LRRC42: variants seen among roughly 807,000 people sequenced by gnomAD.
The protein encoded by LRRC42 is leucine rich repeat containing 42.
Under a neutral mutation model 44.3 loss-of-function variants are expected in LRRC42, and 43 were observed. The observed-to-expected ratio is 0.97, with a 90% CI of 0.76 to 1.25. LRRC42 has a LOEUF of 1.25. Ranked by LOEUF, LRRC42 falls within the 50% of genes most tolerant of loss-of-function variation. The pLI, the probability that LRRC42 is intolerant of heterozygous loss-of-function variation, is 0.00. For synonymous variants in LRRC42, 207 were observed against 195.2 expected, an observed-to-expected ratio of 1.06 and a Z score of -0.50; for missense variants, 540 against 509.1, an observed-to-expected ratio of 1.06 and a Z score of -0.58.
intron 2 of LRRC42, among the ~76,000 whole-genome samples, chr1:53,951,227 A>T (rs1479983443): frequency 6.6e-6 from 1 of 152,274 alleles, no homozygotes; most frequent in African/African-American, 2.4e-5. Flanking sequence ...CATAATTTTA[A>T]TGGCTTTATC....
intron 7 of LRRC42, among the ~76,000 whole-genome samples, chr1:53,963,733 A>AT (rs925870654): frequency 6.6e-6 from 1 of 152,052 alleles, no homozygotes; most frequent in Non-Finnish European, 1.5e-5. Flanking sequence ...ACCTGTCCTC[A>AT]TTCTCATCTC....
intron 5 of LRRC42, 54 bp from the exon 6 acceptor site, chr1:53,961,980 C>A: frequency 7.4e-7 from 1 of 1,347,596 alleles, no homozygotes; most frequent in South Asian, 1.2e-5. Flanking sequence ...TTTTGGTTGT[C>A]ATTTTAACAG....
At chr1:53,960,300 C>T (rs942381295) in intron 4 of LRRC42, 56 bp from the exon 5 acceptor site, 4 of 1,179,190 alleles carry the variant, frequency 3.4e-6, no homozygotes, top group South Asian at 1.3e-5. Flanking sequence ...TGTTTTTATA[C>T]CTAGATTGTC....
chr1:53,954,162 CTTTA>C (rs1397894293), intron 3 of LRRC42, among the ~76,000 whole-genome samples: 2 of 152,178 alleles, frequency 1.3e-5, no homozygotes, highest in Non-Finnish European at 2.9e-5. Context: ...GAGAAATGAT[CTTTA>C]TTTAATCAGC....
At position 53,952,452 on chromosome 1, in the gene LRRC42, C is replaced by A; in HGVS notation, c.453C>A (p.Cys151Ter). The change falls in exon 3 of 9, where the codon TGC becomes TGA. Residue 151 changes from cysteine to a stop codon, truncating the protein, a stop_gained. Coordinates refer to ENST00000371370, the MANE Select transcript of LRRC42 (RefSeq NM_001256409.2). LOFTEE classifies it high-confidence loss of function. ...FTEAYGSLVL[C>*]SLCLRNRYLV... ...AGGCCTATGGAAGTTTGGTGCTTTG[C>A]TCCCTGTGTTTGCGAAACAGGTGGG... 6.3e-7 allele frequency: 1 copy of A among 1,597,078 alleles called. No individual in the cohort carries two copies. Among genetic ancestry groups the A allele is most frequent in the Non-Finnish European group, 8.6e-7 (1 of 1,167,308 alleles).
intron 7 of LRRC42, among the ~76,000 whole-genome samples, chr1:53,962,810 G>T (rs78283594): frequency 0.013 from 2,052 of 152,236 alleles, 52 homozygotes; most frequent in African/African-American, 0.046. Context: ...ATTCAAATAT[G>T]ATTCTTCTCT....
At chr1:53,950,397 C>G (rs1004047268) in intron 2 of LRRC42, among the ~76,000 whole-genome samples, 6 of 152,192 alleles carry the variant, frequency 3.9e-5, no homozygotes, top group African/African-American at 1.4e-4. Context: ...CTCTCATGTG[C>G]TTTTATACAC....
chr1:53,952,082 A>ATCTGGC lies in LRRC42; in HGVS notation c.89_94dup (p.Ala30_Leu31dup). The stretch of plus-strand genomic sequence containing the variant: ...GAAAATGGGCAGCTGCACATGGTCA[A>ATCTGGC]TCTGGCTCTGGATGGTGTCAGGAGT... On this transcript the variant is annotated inframe_insertion, in exon 3 of 9. Coordinates refer to ENST00000371370, the MANE Select transcript of LRRC42 (RefSeq NM_001256409.2). 6.2e-7 allele frequency: 1 copy of ATCTGGC among 1,614,218 alleles called. No individual in the cohort carries two copies. The highest frequency in any genetic ancestry group is 2.2e-5 in the East Asian group (1 of 44,888).
intron 3 of LRRC42, among the ~76,000 whole-genome samples, chr1:53,952,827 T>G (rs1445148201): frequency 6.6e-6 from 1 of 152,234 alleles, no homozygotes; most frequent in Non-Finnish European, 1.5e-5. Context: ...CCAGAGTTTT[T>G]GGGCCTGTTT....
chr1:53,953,103 C>A (rs1003872932), intron 3 of LRRC42, among the ~76,000 whole-genome samples: 7 of 152,140 alleles, frequency 4.6e-5, no homozygotes, highest in African/African-American at 7.2e-5. Context: ...CTATACATGG[C>A]AAACAATTTA....
intron 4 of LRRC42, among the ~76,000 whole-genome samples, chr1:53,959,927 T>C (rs1299160146): frequency 6.6e-6 from 1 of 151,900 alleles, no homozygotes; most frequent in Non-Finnish European, 1.5e-5. Flanking sequence ...ATCTTTTTTT[T>C]TTTTTTTTTG....
chr1:53,953,747 T>C (rs952375610), intron 3 of LRRC42, among the ~76,000 whole-genome samples: 2 of 152,014 alleles, frequency 1.3e-5, no homozygotes. Flanking sequence ...CTTTTTTTTT[T>C]TTTGAGACGG....
chr1:53,947,303 C>A (rs1043195982), intron 1 of LRRC42, among the ~76,000 whole-genome samples: 2 of 151,580 alleles, frequency 1.3e-5, no homozygotes, highest in Admixed American at 1.3e-4. Context: ...GTGTGAGAAG[C>A]GCTAGAATTG....
intron 7 of LRRC42, 63 bp downstream of exon 7, chr1:53,962,472 T>C: frequency 1.0e-6 from 1 of 996,354 alleles, no homozygotes; most frequent in Non-Finnish European, 1.6e-6. Context: ...AAGTGTCTTA[T>C]CCAACACATT....
At chr1:53,955,924 G>A (rs11206259) in intron 3 of LRRC42, among the ~76,000 whole-genome samples, 29,232 of 152,112 alleles carry the variant, frequency 0.19, 3,422 homozygotes, top group African/African-American at 0.33. Context: ...CACCGCGCCC[G>A]GCCAACATAA....
intron 2 of LRRC42, among the ~76,000 whole-genome samples, chr1:53,949,585 C>T (rs1654617579): frequency 6.6e-6 from 1 of 152,136 alleles, no homozygotes; most frequent in Non-Finnish European, 1.5e-5. Context: ...TTAAGGTCTG[C>T]AAGGTTGGAG....
rs369075795 is a variant in LRRC42, at chr1:53,947,316, AAGAGTGTCACGTTGTGGG to A, written c.-48-467_-48-450del. Among the ~76,000 whole-genome samples, 839 of 151,988 alleles carry A rather than the reference AAGAGTGTCACGTTGTGGG, an allele frequency of 5.5e-3. 4 individuals are homozygous for A. Among genetic ancestry groups the A allele is most frequent in the African/African-American group, 0.019 (792 of 41,422 alleles). On this transcript the variant is annotated intron_variant, in intron 1 of 8. Transcript: ENST00000371370. ...TGGTGTGAGAAGCGCTAGAATTGGTAAGAGTGTCACGTTGTGGGAGAGACTGGCATGTTCTTGGAGGGA... is the reference window on the plus strand; with the variant it reads ...TGGTGTGAGAAGCGCTAGAATTGGTAAGAGACTGGCATGTTCTTGGAGGGA...
At position 53,958,190 on chromosome 1, in the gene LRRC42, T is replaced by G; in HGVS notation, c.515T>G (p.Phe172Cys). ...GAAAAGCTTGAGGAGATTAAGTCTTTCCGGGAGCTGACCTGCCTGGATCTT... is the reference window on the plus strand; with the variant it reads ...GAAAAGCTTGAGGAGATTAAGTCTTGCCGGGAGCTGACCTGCCTGGATCTT... Reference protein sequence around the residue: ...ISEKLEEIKSFRELTCLDLSC... With the variant: ...ISEKLEEIKSCRELTCLDLSC... Residue 172 changes from phenylalanine (F) to cysteine (C), a missense_variant, in exon 4 of 9, where the codon TTC (phenylalanine) becomes TGC (cysteine). Coordinates refer to ENST00000371370, the MANE Select transcript of LRRC42 (RefSeq NM_001256409.2). The G allele has an allele frequency of 6.2e-7, 1 of 1,613,924 alleles. No individual in the cohort carries two copies. The highest frequency in any genetic ancestry group is 8.5e-7 in the Non-Finnish European group (1 of 1,179,858).
Position 53,948,458 on chromosome 1 carries a change from G to A in LRRC42, c.-15+637G>A, listed in dbSNP as rs1417818095. ...TGTGTTTCATTCATTTGATGAAATG[G>A]TACACTTCGTGGTAACTTTGGCTCG... On this transcript the variant is annotated intron_variant, in intron 2 of 8. Transcript: ENST00000371370. Among the ~76,000 whole-genome samples the A allele has an allele frequency of 2.0e-5, 3 of 152,302 alleles. No individual in the cohort carries two copies. The East Asian group carries it at 5.8e-4, about 29-fold the overall frequency.
Sources: gnomAD v4.1 joint callset for allele counts (sites outside exome capture counted in the v4.1 genomes callset) on GRCh38, gnomAD v4.1.1 for gene constraint, MANE v1.5 for transcripts, NCBI Gene and HGNC (gene_info 2026-07-23, HGNC 2026-07-21) for gene names.